The following JARID2 variants were observed in gnomAD, a reference collection of about 807,000 sequenced individuals.
JARID2 encodes the protein jumonji and AT-rich interaction domain containing 2, also known as protein Jumonji.
A neutral mutation model predicts 125.6 loss-of-function variants in JARID2; 21 were observed. The observed-to-expected ratio is 0.17, with a 90% confidence interval of 0.12 to 0.24. The LOEUF (loss-of-function observed/expected upper bound fraction) is 0.24. Among genes scored for constraint, JARID2 ranks in the 10% least tolerant of loss-of-function variants. JARID2 has a pLI of 1.00. For missense variants in JARID2, 1,303 were observed against 1,639.6 expected (o/e 0.79, Z 3.55); for synonymous variants, 736 against 661.6 (o/e 1.11, Z -1.73).
intron 1 of JARID2, among the ~76,000 whole-genome samples, chr6:15,354,705 G>A (rs994178821): frequency 2.6e-5 from 4 of 152,140 alleles, no homozygotes; most frequent in South Asian, 2.1e-4. Flanking sequence ...ACAGTATATC[G>A]AATGCTACTT....
In JARID2 at chr6:15,496,004, T is replaced by TCA. The variant is rs1235294617; in HGVS notation, c.907-124_907-123dup. 1.3e-5 allele frequency: 10 copies of TCA among 749,518 alleles called. No homozygotes were observed. The African/African-American group carries it at 1.6e-4, about 12-fold the overall frequency. The allele number at this position is 749,518 out of a possible 1,614,324, so 46.4% of individuals were successfully genotyped here. On this transcript the variant is annotated intron_variant, in intron 6 of 17. Transcript: ENST00000341776. ...GCTGGTATTTCCACATCTCTTCTTA[T>TCA]CACACTACAGGCTGCTGGCTCTGTT...
intron 1 of JARID2, among the ~76,000 whole-genome samples, chr6:15,334,518 C>T (rs2127459972): frequency 6.6e-6 from 1 of 152,316 alleles, no homozygotes; most frequent in South Asian, 2.1e-4. Flanking sequence ...TCATTTCAAG[C>T]TAGTCTGGAT....
chr6:15,309,470 A>G (rs199947538), intron 1 of JARID2, among the ~76,000 whole-genome samples: 247 of 152,276 alleles, frequency 1.6e-3, no homozygotes, highest in Non-Finnish European at 2.9e-3. Context: ...ATGGAAACCA[A>G]TAGGGGATTG....
chr6:15,442,116 A>G (rs1767473579), intron 3 of JARID2, among the ~76,000 whole-genome samples: 1 of 151,944 alleles, frequency 6.6e-6, no homozygotes, highest in South Asian at 2.1e-4. Flanking sequence ...TTTTGAAAAA[A>G]AAAAAAGGAA....
intron 1 of JARID2, among the ~76,000 whole-genome samples, chr6:15,306,688 T>A (rs1471120562): frequency 2.0e-5 from 3 of 151,942 alleles, no homozygotes; most frequent in African/African-American, 7.2e-5. Flanking sequence ...GTCCACATTC[T>A]GGGGAAAGGG....
At chr6:15,255,402 C>G (rs1313026698) in intron 1 of JARID2, among the ~76,000 whole-genome samples, 1 of 152,040 alleles carries the variant, frequency 6.6e-6, no homozygotes, top group Non-Finnish European at 1.5e-5. Context: ...TGCGCCTGGC[C>G]CAATTAGGAA....
intron 1 of JARID2, among the ~76,000 whole-genome samples, chr6:15,325,304 A>G (rs866625808): frequency 2.7e-4 from 41 of 152,108 alleles, no homozygotes; most frequent in African/African-American, 4.8e-4. Context: ...AACTGAAACA[A>G]TTTCAGCTTA....
intron 1 of JARID2, among the ~76,000 whole-genome samples, chr6:15,257,726 A>G (rs1759718648): frequency 6.6e-6 from 1 of 152,232 alleles, no homozygotes; most frequent in South Asian, 2.1e-4. Context: ...TCCCACAGGT[A>G]GTACACGTTA....
chr6:15,492,928 C>A (rs1472890284), intron 6 of JARID2, among the ~76,000 whole-genome samples: 1 of 152,074 alleles, frequency 6.6e-6, no homozygotes, highest in African/African-American at 2.4e-5. Context: ...GAAAATATTG[C>A]AACTCATTTC....
In JARID2 at chr6:15,246,593, T is replaced by G. The variant is rs760934133; in HGVS notation, c.45+9T>G. On this transcript the variant is annotated intron_variant, in intron 1 of 17. Coordinates refer to ENST00000341776, the MANE Select transcript of JARID2 (RefSeq NM_004973.4). ...TCATTCAGAAGAAATACGTAAGTGC[T>G]CCTAACAACACATCCTTTGACTTGC... 32 of 1,608,326 alleles carry G rather than the reference T, an allele frequency of 2.0e-5. No homozygotes were observed. Among genetic ancestry groups the G allele is most frequent in the Admixed American group, 5.0e-5 (3 of 59,964 alleles).
intron 5 of JARID2, among the ~76,000 whole-genome samples, chr6:15,478,418 G>A (rs565022978): frequency 6.6e-6 from 1 of 152,260 alleles, no homozygotes; most frequent in South Asian, 2.1e-4. Context: ...AGAGAGGGCC[G>A]ACTGTATTTA....
At chr6:15,340,603 ATTGGGGC>A (rs1460603613) in intron 1 of JARID2, among the ~76,000 whole-genome samples, 19 of 152,212 alleles carry the variant, frequency 1.2e-4, no homozygotes, top group African/African-American at 4.3e-4. Context: ...GAAACAATAT[ATTGGGGC>A]AGACTTTTAT....
chr6:15,405,422 C>T (rs191439044), intron 2 of JARID2, among the ~76,000 whole-genome samples: 78 of 152,308 alleles, frequency 5.1e-4, no homozygotes, highest in Admixed American at 1.4e-3. Flanking sequence ...GCACTTCTCC[C>T]GTCAGCTGAT....
intron 1 of JARID2, among the ~76,000 whole-genome samples, chr6:15,307,512 TG>T (rs1250059860): frequency 1.3e-5 from 2 of 152,160 alleles, no homozygotes; most frequent in African/African-American, 4.8e-5. Flanking sequence ...ATCCCAGTTT[TG>T]TTTTGTTTTT....
At chr6:15,274,161 C>T (rs926222835) in intron 1 of JARID2, among the ~76,000 whole-genome samples, 1 of 152,180 alleles carries the variant, frequency 6.6e-6, no homozygotes, top group Admixed American at 6.5e-5. Flanking sequence ...AACTCCTCAC[C>T]TCAGGTGATC....
intron 4 of JARID2, among the ~76,000 whole-genome samples, chr6:15,463,286 A>G: frequency 6.6e-6 from 1 of 152,162 alleles, no homozygotes; most frequent in East Asian, 1.9e-4. Context: ...AGAGTTTGTA[A>G]AGGAGTGATA....
intron 2 of JARID2, among the ~76,000 whole-genome samples, chr6:15,382,403 C>T (rs564396556): frequency 9.9e-5 from 15 of 152,208 alleles, no homozygotes; most frequent in Non-Finnish European, 1.8e-4. Context: ...TTGAAAGATG[C>T]GAGAGATTTC....
chr6:15,508,900 C>T, intron 12 of JARID2: 1 of 1,181,008 alleles, frequency 8.5e-7, no homozygotes, highest in South Asian at 1.3e-5. Flanking sequence ...GTAGTAGTGA[C>T]CGTGTCATCA....
chr6:15,369,019 A>G (rs910166166), intron 1 of JARID2, among the ~76,000 whole-genome samples: 2 of 151,980 alleles, frequency 1.3e-5, no homozygotes, highest in East Asian at 1.9e-4. Context: ...TTGCAACACT[A>G]TGGAAGGATA....
Sources: gnomAD v4.1 joint callset for allele counts (sites outside exome capture counted in the v4.1 genomes callset) on GRCh38, gnomAD v4.1.1 for gene constraint, MANE v1.5 for transcripts, NCBI Gene and HGNC (gene_info 2026-07-23, HGNC 2026-07-21) for gene names.